The following TTC6 variants were observed in gnomAD, a reference collection of about 807,000 sequenced individuals.
TTC6 encodes tetratricopeptide repeat domain 6, also known as tetratricopeptide repeat protein 6.
Under a neutral mutation model 210.4 loss-of-function variants are expected in TTC6, and 172 were observed. The ratio of observed to expected loss-of-function variants is 0.82; its 90% CI spans 0.72 to 0.93. The LOEUF is 0.93. Ranked by LOEUF, TTC6 falls within the 40% of genes least tolerant of loss-of-function variation. TTC6 has a pLI of 0.00. For synonymous variants in TTC6, 804 were observed against 819.6 expected (o/e 0.98, Z 0.32); for missense variants, 2,414 against 2,318.1 (o/e 1.04, Z -0.85).
chr14:37,792,330 A>G (rs2096081795), exon 17 of TTC6: 27 of 1,533,122 alleles, frequency 1.8e-5, no homozygotes, highest in Non-Finnish European at 2.4e-5. Context: ...ACTACACGGA[A>G]GCTATTTGGC....
chr14:37,726,533 A>G (rs919674312), intron 7 of TTC6, among the ~76,000 whole-genome samples: 27 of 152,098 alleles, frequency 1.8e-4, no homozygotes, highest in African/African-American at 6.0e-4. Context: ...TTAATTTTAA[A>G]TATATACTCA....
intron 3 of TTC6, among the ~76,000 whole-genome samples, chr14:37,692,482 G>T (rs2095805732): frequency 6.6e-6 from 1 of 151,982 alleles, no homozygotes. Context: ...AAAACCATTT[G>T]ATAAAATTCA....
intron 2 of TTC6, among the ~76,000 whole-genome samples, chr14:37,607,730 A>G (rs1375281896): frequency 1.3e-5 from 2 of 151,534 alleles, no homozygotes; most frequent in African/African-American, 4.9e-5. Context: ...CTGGGCTCCA[A>G]CAATCCTCCC....
chr14:37,730,235 T>A (rs1329032554), intron 7 of TTC6, among the ~76,000 whole-genome samples: 1 of 152,244 alleles, frequency 6.6e-6, no homozygotes, highest in Non-Finnish European at 1.5e-5. Flanking sequence ...CTGTCTTTTT[T>A]ATTTTCACCT....
At chr14:37,685,381 G>T (rs960772943) in intron 3 of TTC6, among the ~76,000 whole-genome samples, 1 of 152,086 alleles carries the variant, frequency 6.6e-6, no homozygotes, top group Non-Finnish European at 1.5e-5. Flanking sequence ...CAAGAAAGCC[G>T]AGATCCAGAA....
intron 1 of TTC6, among the ~76,000 whole-genome samples, chr14:37,638,774 T>C (rs766497800): frequency 3.9e-5 from 6 of 152,238 alleles, no homozygotes; most frequent in Non-Finnish European, 7.3e-5. Context: ...GAGATATCTC[T>C]GTATTTTTCT....
chr14:37,677,099 G>C (rs1178420799), intron 1 of TTC6, among the ~76,000 whole-genome samples: 1 of 151,898 alleles, frequency 6.6e-6, no homozygotes, highest in Admixed American at 6.6e-5. Flanking sequence ...CTGAAAAAAA[G>C]GCCCTTGTTT....
intron 1 of TTC6, among the ~76,000 whole-genome samples, chr14:37,639,598 C>T (rs569774396): frequency 6.6e-6 from 1 of 151,116 alleles, no homozygotes; most frequent in East Asian, 1.9e-4. Flanking sequence ...TGACTGGGTG[C>T]GGTGGCTCAT....
At chr14:37,654,566 C>G (rs2095718564) in intron 1 of TTC6, among the ~76,000 whole-genome samples, 1 of 152,116 alleles carries the variant, frequency 6.6e-6, no homozygotes, top group African/African-American at 2.4e-5. Flanking sequence ...GCCAATTAAA[C>G]TTCTTTTCTT....
At chr14:37,793,174 C>A (rs1268656891) in intron 17 of TTC6, among the ~76,000 whole-genome samples, 1 of 152,116 alleles carries the variant, frequency 6.6e-6, no homozygotes, top group Non-Finnish European at 1.5e-5. Flanking sequence ...CAGATTATTT[C>A]ACTTCTTTGC....
intron 14 of TTC6, among the ~76,000 whole-genome samples, chr14:37,773,977 C>A (rs1305436995): frequency 1.3e-5 from 2 of 152,094 alleles, no homozygotes; most frequent in Non-Finnish European, 1.5e-5. Flanking sequence ...TCTTTCACCT[C>A]CCTAGTTAGC....
At chr14:37,622,441 C>T (rs2095652908) in exon 1 of TTC6, 1 of 1,535,156 alleles carries the variant, frequency 6.5e-7, no homozygotes, top group Non-Finnish European at 8.7e-7. Context: ...CGGAGCTCCG[C>T]GTTCCTACGG....
chr14:37,817,452 C>A, intron 25 of TTC6, 126 bp from the exon 28 acceptor site: 2 of 733,200 alleles, frequency 2.7e-6, no homozygotes, highest in Non-Finnish European at 4.5e-6. Context: ...ATGCTTGTGT[C>A]ACATGTATTT....
intron 17 of TTC6, among the ~76,000 whole-genome samples, chr14:37,792,916 T>A (rs1595274732): frequency 6.6e-6 from 1 of 152,150 alleles, no homozygotes; most frequent in East Asian, 1.9e-4. Context: ...TTTTATAAGT[T>A]GTTCACATTA....
At chr14:37,625,377 A>T (rs183087263) in intron 1 of TTC6, among the ~76,000 whole-genome samples, 43 of 151,566 alleles carry the variant, frequency 2.8e-4, no homozygotes, top group African/African-American at 9.9e-4. Context: ...GTGAAACCCC[A>T]TCTCTACTAA....
chr14:37,750,578 T>C (rs2095948708), intron 12 of TTC6, among the ~76,000 whole-genome samples: 1 of 152,152 alleles, frequency 6.6e-6, no homozygotes, highest in South Asian at 2.1e-4. Context: ...AATTTGGCAT[T>C]GTCGAAATCA....
intron 1 of TTC6, among the ~76,000 whole-genome samples, chr14:37,642,357 C>T (rs572588742): frequency 6.6e-6 from 1 of 152,292 alleles, no homozygotes; most frequent in African/African-American, 2.4e-5. Context: ...ACAGGTGGGA[C>T]AATCCGCAGG....
At chr14:37,775,130 A>T (rs2096033165) in intron 14 of TTC6, among the ~76,000 whole-genome samples, 1 of 152,082 alleles carries the variant, frequency 6.6e-6, no homozygotes. Context: ...TTTGTAATTT[A>T]TTAGCCTAGT....
intron 14 of TTC6, among the ~76,000 whole-genome samples, chr14:37,780,824 T>G (rs918302107): frequency 6.6e-6 from 1 of 152,088 alleles, no homozygotes; most frequent in Non-Finnish European, 1.5e-5. Context: ...ATCCCCTCCC[T>G]GTGTCTATGT....
Sources: allele counts gnomAD v4.1 joint callset (sites outside exome capture counted in the v4.1 genomes callset), GRCh38; gene constraint gnomAD v4.1.1; transcripts MANE v1.5; gene names NCBI Gene and HGNC (gene_info 2026-07-23, HGNC 2026-07-21).